The following PKN2 variants were observed in gnomAD, a reference collection of about 807,000 sequenced individuals.
PKN2 encodes the protein serine/threonine-protein kinase N2.
PKN2 carries 38 observed loss-of-function variants against 119.1 expected under a neutral mutation model. That is an observed-to-expected ratio of 0.32 (90% CI 0.25 to 0.42). The LOEUF (loss-of-function observed/expected upper bound fraction) is 0.42, where lower values mean the gene tolerates loss of function less well. Ranked by LOEUF, PKN2 falls within the 10% of genes least tolerant of loss-of-function variation. The pLI, the probability that PKN2 is intolerant of heterozygous loss-of-function variation, is 1.00. For synonymous variants in PKN2, 390 were observed against 384.9 expected (o/e 1.01, Z -0.15); for missense variants, 850 against 1,165.1 (o/e 0.73, Z 3.94).
chr1:88,699,827 G>A (rs1027170687), intron 1 of PKN2, among the ~76,000 whole-genome samples: 3 of 151,586 alleles, frequency 2.0e-5, no homozygotes, highest in Admixed American at 6.6e-5. Context: ...CTGTAGTCGA[G>A]GCTAGAATGC....
At position 88,805,493 on chromosome 1, in the gene PKN2, A is replaced by G. The variant is rs777322428; in HGVS notation, c.1502-4A>G. On this transcript the variant is annotated splice_polypyrimidine_tract_variant and splice_region_variant and intron_variant, in intron 10 of 21. Coordinates refer to ENST00000370521, the MANE Select transcript of PKN2 (RefSeq NM_006256.4). Reference sequence around the variant, plus strand: ...GCTGTTTTTGTTTTTTTCAACATCTACAGGCAAAACATTTCTCAGAGCTCC... The same window carrying G: ...GCTGTTTTTGTTTTTTTCAACATCTGCAGGCAAAACATTTCTCAGAGCTCC... 6.3e-7 allele frequency: 1 copy of G among 1,582,344 alleles called. No individual in the cohort carries two copies. The highest frequency in any genetic ancestry group is 1.1e-5 in the South Asian group (1 of 87,142).
intron 1 of PKN2, among the ~76,000 whole-genome samples, chr1:88,693,168 A>G (rs1395952560): frequency 6.6e-6 from 1 of 152,206 alleles, no homozygotes; most frequent in East Asian, 1.9e-4. Context: ...ATTATTAGTC[A>G]TTAATAATAT....
At chr1:88,753,212 TA>T (rs1209864673) in intron 2 of PKN2, among the ~76,000 whole-genome samples, 2 of 152,206 alleles carry the variant, frequency 1.3e-5, no homozygotes, top group African/African-American at 2.4e-5. Context: ...TTATATTTTT[TA>T]AAAAGCACTT....
chr1:88,793,870 A>G (rs946235267), intron 8 of PKN2, among the ~76,000 whole-genome samples: 1 of 152,202 alleles, frequency 6.6e-6, no homozygotes, highest in African/African-American at 2.4e-5. Flanking sequence ...TACAAATACA[A>G]CTATCCTTTT....
chr1:88,690,865 A>G (rs1666304603), intron 1 of PKN2, among the ~76,000 whole-genome samples: 1 of 152,198 alleles, frequency 6.6e-6, no homozygotes, highest in South Asian at 2.1e-4. Context: ...GAGTGGATAT[A>G]CAAGACTTAC....
chr1:88,812,081 T>C (rs191469932), intron 15 of PKN2, among the ~76,000 whole-genome samples: 2 of 152,322 alleles, frequency 1.3e-5, no homozygotes, highest in Non-Finnish European at 1.5e-5. Flanking sequence ...GCATGGACTT[T>C]TAGGGACAAT....
In PKN2 at chr1:88,834,999, A is replaced by G. The variant is rs1672885156; in HGVS notation, c.*1551A>G. The G allele has an allele frequency of 6.6e-6, 1 of 152,482 alleles. No individual in the cohort carries two copies. The highest frequency in any genetic ancestry group is 6.6e-5 in the Admixed American group (1 of 15,252). The allele number at this position is 152,482 out of a possible 1,614,324, so 9.4% of individuals were successfully genotyped here. A position where few individuals can be genotyped will look rare whatever the true frequency, so the allele number is the denominator to read the frequency against. Reference sequence around the variant, plus strand: ...AATTACAGTGAGCTCATCTCTTAAAAATTGTTCAGGTGTAAATCTTATGAG... The same window carrying G: ...AATTACAGTGAGCTCATCTCTTAAAGATTGTTCAGGTGTAAATCTTATGAG... On this transcript the variant is annotated 3_prime_UTR_variant, in exon 22 of 22. Coordinates refer to ENST00000370521, the MANE Select transcript of PKN2 (RefSeq NM_006256.4).
intron 8 of PKN2, among the ~76,000 whole-genome samples, chr1:88,801,592 A>T (rs1262832644): frequency 1.3e-5 from 2 of 152,196 alleles, no homozygotes; most frequent in Non-Finnish European, 2.9e-5. Flanking sequence ...TCACAGCCCC[A>T]CCCTCCCACT....
rs371912104 is a variant in PKN2 at position 88,807,413 on chromosome 1, A to G, written c.1904A>G (p.Tyr635Cys). The G allele has an allele frequency of 1.2e-6, 2 of 1,610,834 alleles. No homozygotes were observed. Among genetic ancestry groups the G allele is most frequent in the African/African-American group, 2.7e-5 (2 of 74,754 alleles). Residue 635 changes from tyrosine (Y) to cysteine (C), a missense_variant, in exon 13 of 22, where the codon TAT becomes TGT. Physicochemically the swap from Tyr to Cys is radical, Grantham distance 194 (BLOSUM62 -2). This residue lies in a region of PKN2 where 216 missense variants were observed against 252.8 expected (regional missense o/e 0.85). Transcript: ENST00000370521. ...KPDTPQSGLE[Y>C]SGIQELEDRR... ...GATACTCCTCAGTCAGGCCTAGAAT[A>G]TAGTGGTATTCAAGAACTTGAGGAC...
At chr1:88,775,008 C>T (rs1421141734) in intron 6 of PKN2, among the ~76,000 whole-genome samples, 1 of 152,190 alleles carries the variant, frequency 6.6e-6, no homozygotes, top group African/African-American at 2.4e-5. Context: ...TATGCCCAGC[C>T]TCTATTCTTA....
At chr1:88,736,387 TCTCA>T (rs1283137368) in intron 1 of PKN2, among the ~76,000 whole-genome samples, 7 of 151,760 alleles carry the variant, frequency 4.6e-5, no homozygotes, top group Admixed American at 6.6e-5. Context: ...TGAGACAGAG[TCTCA>T]CTCACTCTGT....
At chr1:88,833,009 AAT>A in intron 20 of PKN2, 66 bp from the exon 21 acceptor site, 1 of 1,416,468 alleles carries the variant, frequency 7.1e-7, no homozygotes, top group Non-Finnish European at 9.6e-7. Context: ...TTTTTAAAGT[AAT>A]AATCCTTATC....
intron 16 of PKN2, among the ~76,000 whole-genome samples, chr1:88,820,193 T>A (rs1244255082): frequency 1.2e-4 from 1 of 8,086 alleles, no homozygotes; most frequent in Non-Finnish European, 3.0e-4. Flanking sequence ...TATATATATA[T>A]ATATATATAT....
At chr1:88,746,490 C>T (rs1341851313) in intron 2 of PKN2, among the ~76,000 whole-genome samples, 1 of 112,540 alleles carries the variant, frequency 8.9e-6, no homozygotes, top group Non-Finnish European at 2.1e-5. Context: ...AAATGGCCGA[C>T]AGATAATATG....
At chr1:88,720,447 T>G (rs1243214224) in intron 1 of PKN2, among the ~76,000 whole-genome samples, 1 of 152,192 alleles carries the variant, frequency 6.6e-6, no homozygotes, top group Non-Finnish European at 1.5e-5. Flanking sequence ...TCTCCATGTC[T>G]GTTTGTCTCT....
intron 6 of PKN2, among the ~76,000 whole-genome samples, chr1:88,778,653 A>C (rs59996169): frequency 0.067 from 10,164 of 150,750 alleles, 697 homozygotes; most frequent in African/African-American, 0.18. Context: ...AGACTGGTTC[A>C]TTTGCCTTCC....
chr1:88,743,222 G>A (rs150416914), intron 2 of PKN2, among the ~76,000 whole-genome samples: 3 of 152,196 alleles, frequency 2.0e-5, no homozygotes, highest in Admixed American at 6.5e-5. Flanking sequence ...TATAAATTAC[G>A]TATGACAAAA....
chr1:88,735,544 C>T (rs925536682), intron 1 of PKN2, among the ~76,000 whole-genome samples: 3 of 147,008 alleles, frequency 2.0e-5, no homozygotes, highest in African/African-American at 7.5e-5. Context: ...AAGTCTTTAT[C>T]TCTGCTTTAT....
chr1:88,820,548 TAAAA>T (rs1174958265), intron 16 of PKN2, among the ~76,000 whole-genome samples: 6 of 147,626 alleles, frequency 4.1e-5, no homozygotes, highest in Non-Finnish European at 1.5e-5. Flanking sequence ...AAAAAATAAA[TAAAA>T]TAAATAAATA....
Sources: allele counts gnomAD v4.1 joint callset (sites outside exome capture counted in the v4.1 genomes callset), GRCh38; gene constraint gnomAD v4.1.1; regional missense constraint gnomAD v4.1.1; transcripts MANE v1.5; gene names NCBI Gene and HGNC (gene_info 2026-07-23, HGNC 2026-07-21).